Variants in SOX5 observed in about 807,000 individuals in gnomAD.
SOX5 encodes SRY-box transcription factor 5.
In SOX5, 9 loss-of-function variants were observed where a neutral mutation model predicts 92.0. That is an observed-to-expected ratio of 0.10 (90% CI 0.06 to 0.17). SOX5 has a LOEUF of 0.17. SOX5 is among the 10% of genes least tolerant of loss of function. The pLI is 1.00. For synonymous variants in SOX5, 344 were observed against 336.3 expected (o/e 1.02, Z -0.25); for missense variants, 642 against 944.5 (o/e 0.68, Z 4.20).
chr12:24,417,029 A>G (rs987415620), intron 1 of SOX5, among the ~76,000 whole-genome samples: 4 of 152,194 alleles, frequency 2.6e-5, no homozygotes, highest in African/African-American at 9.6e-5. Context: ...TGCTCTGGCA[A>G]GCCATGTGAG....
chr12:23,846,329 T>G, intron 2 of SOX5, 136 bp from the exon 3 acceptor site: 2 of 696,916 alleles, frequency 2.9e-6, no homozygotes, highest in East Asian at 2.7e-5. Context: ...AAATTGGTTA[T>G]ATGGCTTATT....
At chr12:23,552,250 T>C (rs1591993228) in intron 11 of SOX5, among the ~76,000 whole-genome samples, 5 of 152,030 alleles carry the variant, frequency 3.3e-5, no homozygotes, top group Admixed American at 3.3e-4. Flanking sequence ...GGGCTACCTA[T>C]AAAGATTAGT....
At position 23,673,520 on chromosome 12, in the gene SOX5, A is replaced by G. The variant is rs185297867; in HGVS notation, c.811-7956T>C. On this transcript the variant is annotated intron_variant, in intron 6 of 14. Coordinates refer to ENST00000451604, the MANE Select transcript of SOX5 (RefSeq NM_006940.6). Reference sequence around the variant, plus strand: ...ACAAGAAAATGAATGAGAACATAAAATATAGTGACCAACATGAAATATAAT... The same window carrying G: ...ACAAGAAAATGAATGAGAACATAAAGTATAGTGACCAACATGAAATATAAT... 2.2e-3 allele frequency among the ~76,000 whole-genome samples: 338 copies of G among 152,320 alleles called. 14 individuals carry two copies. Among genetic ancestry groups the G allele is most frequent in the Admixed American group, 0.022 (333 of 15,290 alleles).
At chr12:24,090,725 T>C (rs1210443132) in intron 4 of SOX5, among the ~76,000 whole-genome samples, 1 of 152,242 alleles carries the variant, frequency 6.6e-6, no homozygotes, top group East Asian at 1.9e-4. Flanking sequence ...AGATCTGTGC[T>C]ATAGTACTTT....
rs565297568 is a variant in SOX5, at chr12:23,646,463, G to A, written c.932-5566C>T. Among the ~76,000 whole-genome samples, 4 of 152,262 alleles carry A rather than the reference G, an allele frequency of 2.6e-5. No individual in the cohort carries two copies. The South Asian group carries it at 6.2e-4, about 24-fold the overall frequency. On this transcript the variant is annotated intron_variant, in intron 7 of 14. Coordinates refer to ENST00000451604, the MANE Select transcript of SOX5 (RefSeq NM_006940.6). ...ATTATGGGCATGAGCCACCGCGCCT[G>A]GTGGGAATTTCTTCAAATAAGACAA...
intron 2 of SOX5, among the ~76,000 whole-genome samples, chr12:23,888,084 A>T (rs566841480): frequency 6.6e-6 from 1 of 152,242 alleles, no homozygotes; most frequent in African/African-American, 2.4e-5. Flanking sequence ...ATATTACATT[A>T]TGGTGATTTT....
chr12:24,175,081 G>C (rs575280026), intron 4 of SOX5, among the ~76,000 whole-genome samples: 176 of 152,294 alleles, frequency 1.2e-3, no homozygotes, highest in African/African-American at 4.1e-3. Flanking sequence ...AAACTACATG[G>C]AGCATGCAAA....
chr12:24,280,814 AT>A (rs1167277844), intron 2 of SOX5, among the ~76,000 whole-genome samples: 1 of 147,854 alleles, frequency 6.8e-6, no homozygotes, highest in Non-Finnish European at 1.5e-5. Context: ...CATTCTTATC[AT>A]TTACAAAGTA....
At chr12:23,669,694 T>C (rs1593129962) in intron 6 of SOX5, among the ~76,000 whole-genome samples, 1 of 134,222 alleles carries the variant, frequency 7.5e-6, no homozygotes, top group African/African-American at 2.5e-5. Context: ...GCAGTACTCA[T>C]AGATGAAAAA....
In SOX5 at chr12:23,646,005, A is replaced by G. The variant is rs551797964; in HGVS notation, c.932-5108T>C. On this transcript the variant is annotated intron_variant, in intron 7 of 14. Transcript: ENST00000451604. Reference sequence around the variant, plus strand: ...ATAGAATTATGTCTAAAACATATACATACCTTAATAAAAAAATACTTTATT... The same window carrying G: ...ATAGAATTATGTCTAAAACATATACGTACCTTAATAAAAAAATACTTTATT... Among the ~76,000 whole-genome samples the G allele has an allele frequency of 2.6e-5, 4 of 152,328 alleles. No homozygotes were observed. In the South Asian group the frequency reaches 6.2e-4, roughly 24 times the overall value.
intron 2 of SOX5, among the ~76,000 whole-genome samples, chr12:24,284,638 T>C (rs921692699): frequency 1.3e-5 from 2 of 152,184 alleles, no homozygotes; most frequent in Admixed American, 6.5e-5. Context: ...CAGACTCTTC[T>C]TGGTCTACCT....
chr12:24,110,727 T>C (rs1169899384), intron 4 of SOX5, among the ~76,000 whole-genome samples: 1 of 150,864 alleles, frequency 6.6e-6, no homozygotes, highest in South Asian at 2.1e-4. Flanking sequence ...CTACTAAAAA[T>C]AAAAATAAAA....
At chr12:24,330,095 T>A (rs1951133228) in intron 2 of SOX5, among the ~76,000 whole-genome samples, 1 of 152,006 alleles carries the variant, frequency 6.6e-6, no homozygotes, top group South Asian at 2.1e-4. Flanking sequence ...ATAGAATATA[T>A]AACTCCCAAA....
intron 6 of SOX5, among the ~76,000 whole-genome samples, chr12:23,682,910 A>G (rs574803319): frequency 1.3e-5 from 2 of 152,008 alleles, no homozygotes; most frequent in Admixed American, 1.3e-4. Flanking sequence ...TAAAACCAAC[A>G]TCTCTAACGT....
chr12:23,584,559 C>A, intron 9 of SOX5: 4 of 1,609,946 alleles, frequency 2.5e-6, no homozygotes, highest in Non-Finnish European at 3.4e-6. Flanking sequence ...GCATGCACAG[C>A]TCCTATGGCA....
chr12:23,882,773 G>A (rs989820071), intron 2 of SOX5, among the ~76,000 whole-genome samples: 1 of 152,120 alleles, frequency 6.6e-6, no homozygotes, highest in East Asian at 1.9e-4. Flanking sequence ...ATTTAAATAA[G>A]GAAAATTACA....
intron 4 of SOX5, among the ~76,000 whole-genome samples, chr12:23,997,591 G>A (rs1233940967): frequency 2.0e-5 from 3 of 152,138 alleles, no homozygotes; most frequent in African/African-American, 7.2e-5. Flanking sequence ...ATCTACTCCT[G>A]TTTGTCTGAA....
intron 4 of SOX5, among the ~76,000 whole-genome samples, chr12:24,133,111 C>A (rs1215617094): frequency 6.6e-6 from 1 of 152,220 alleles, no homozygotes; most frequent in South Asian, 2.1e-4. Context: ...AAAGCACTCA[C>A]TGGCATAAAG....
chr12:24,244,545 A>T (rs762129643), intron 3 of SOX5, among the ~76,000 whole-genome samples: 12 of 152,222 alleles, frequency 7.9e-5, no homozygotes, highest in Non-Finnish European at 1.3e-4. Flanking sequence ...CTAGGTAGGA[A>T]TACTCTCAGT....
Sources: gnomAD v4.1 joint callset for allele counts (sites outside exome capture counted in the v4.1 genomes callset) on GRCh38, gnomAD v4.1.1 for gene constraint, MANE v1.5 for transcripts, NCBI Gene and HGNC (gene_info 2026-07-23, HGNC 2026-07-21) for gene names.